Variants in GABRG3 observed in about 807,000 individuals in gnomAD.
The protein encoded by GABRG3 is gamma-aminobutyric acid receptor subunit gamma-3.
Under a neutral mutation model 48.8 loss-of-function variants are expected in GABRG3, and 25 were observed. The ratio of observed to expected loss-of-function variants is 0.51; its 90% CI spans 0.37 to 0.72. The LOEUF is 0.72. GABRG3 is among the 30% of genes least tolerant of loss of function. GABRG3 has a pLI of 0.00. For missense variants in GABRG3, 394 were observed against 577.9 expected (o/e 0.68, Z 3.26); for synonymous variants, 227 against 217.6 (o/e 1.04, Z -0.38).
chr15:27,485,955 A>G (rs565423805), intron 6 of GABRG3, among the ~76,000 whole-genome samples: 10 of 152,342 alleles, frequency 6.6e-5, no homozygotes, highest in East Asian at 1.9e-4. Flanking sequence ...AGGTTAATCC[A>G]TATCTTTGCC....
At chr15:27,069,776 A>C (rs1480235206) in intron 3 of GABRG3, among the ~76,000 whole-genome samples, 1 of 152,264 alleles carries the variant, frequency 6.6e-6, no homozygotes, top group Non-Finnish European at 1.5e-5. Flanking sequence ...TATTCAGCTC[A>C]TCTGTTTTCA....
intron 3 of GABRG3, among the ~76,000 whole-genome samples, chr15:27,102,036 A>C (rs1312719464): frequency 2.0e-5 from 3 of 152,008 alleles, no homozygotes; most frequent in African/African-American, 7.3e-5. Context: ...AATATAAAAG[A>C]TGTACCACGT....
At chr15:27,019,395 A>G (rs1474133315) in intron 2 of GABRG3, among the ~76,000 whole-genome samples, 1 of 152,042 alleles carries the variant, frequency 6.6e-6, no homozygotes, top group East Asian at 1.9e-4. Context: ...CCTCACTACC[A>G]AAATAGAAAC....
chr15:27,144,456 A>G lies in GABRG3; in HGVS notation c.270+117635A>G, dbSNP rs528433833. 1.7e-3 allele frequency among the ~76,000 whole-genome samples: 257 copies of G among 151,348 alleles called. 1 individual carries two copies. The highest frequency in any genetic ancestry group is 2.3e-3 in the Non-Finnish European group (152 of 67,250). ...AAGGGCATGTCTTTATTTGACCTAA[A>G]TCAGAGCTCTCCCAGTAGAAATAGT... On this transcript the variant is annotated intron_variant, in intron 3 of 9. Transcript: ENST00000615808.
chr15:27,218,642 C>G (rs1889346013), intron 3 of GABRG3, among the ~76,000 whole-genome samples: 1 of 152,176 alleles, frequency 6.6e-6, no homozygotes, highest in African/African-American at 2.4e-5. Flanking sequence ...CCTGTCCCTG[C>G]TGAGGCCGAG....
At position 27,252,187 on chromosome 15, in the gene GABRG3, C is replaced by CG. The variant is rs1890478423; in HGVS notation, c.271-74616dup. On this transcript the variant is annotated intron_variant, in intron 3 of 9. Coordinates refer to ENST00000615808, the MANE Select transcript of GABRG3 (RefSeq NM_033223.5). Reference sequence around the variant, plus strand: ...GGACATAAGGATGATGCCTGAGAGACGGGGGGTGGCCGTGGGCTGGCCTGG... The same window carrying CG: ...GGACATAAGGATGATGCCTGAGAGACGGGGGGGTGGCCGTGGGCTGGCCTGG... 2.0e-5 allele frequency among the ~76,000 whole-genome samples: 3 copies of CG among 152,022 alleles called. 1 individual carries two copies. In the South Asian group the frequency reaches 6.2e-4, roughly 32 times the overall value.
At chr15:27,143,525 A>G (rs1043326513) in intron 3 of GABRG3, among the ~76,000 whole-genome samples, 2 of 152,234 alleles carry the variant, frequency 1.3e-5, no homozygotes, top group Admixed American at 6.5e-5. Context: ...AGAATCTTTC[A>G]TGCTAGCAGA....
intron 5 of GABRG3, among the ~76,000 whole-genome samples, chr15:27,450,915 A>G (rs910087230): frequency 1.3e-5 from 2 of 152,220 alleles, no homozygotes; most frequent in Non-Finnish European, 2.9e-5. Context: ...TACATTAACA[A>G]TGGACTATCT....
intron 6 of GABRG3, among the ~76,000 whole-genome samples, chr15:27,487,408 T>C (rs1890247234): frequency 6.6e-6 from 1 of 152,220 alleles, no homozygotes; most frequent in South Asian, 2.1e-4. Context: ...AGGTGGGACA[T>C]GAGCCAATAC....
rs566314687 is a variant in GABRG3, at chr15:27,178,703, T to C, written c.271-148106T>C. On this transcript the variant is annotated intron_variant, in intron 3 of 9. Coordinates refer to ENST00000615808, the MANE Select transcript of GABRG3 (RefSeq NM_033223.5). ...TAGAAATATGATTAAACAAAAAGGG[T>C]GTGATCTAATGGTCATAGACTGAGT... Among the ~76,000 whole-genome samples, 14 of 152,148 alleles carry C rather than the reference T, an allele frequency of 9.2e-5. No individual in the cohort carries two copies. In the East Asian group the frequency reaches 2.5e-3, roughly 27 times the overall value.
At chr15:27,451,851 A>G (rs1005139130) in intron 5 of GABRG3, among the ~76,000 whole-genome samples, 3 of 152,170 alleles carry the variant, frequency 2.0e-5, no homozygotes, top group African/African-American at 7.2e-5. Flanking sequence ...AAAATGGGCC[A>G]AGGGACACAT....
chr15:27,360,689 G>C (rs1894992043), intron 5 of GABRG3, among the ~76,000 whole-genome samples: 1 of 152,172 alleles, frequency 6.6e-6, no homozygotes, highest in South Asian at 2.1e-4. Context: ...CTCCCCTGCA[G>C]CCTCTACATA....
rs573668098 is a variant in GABRG3 at position 27,293,381 on chromosome 15, A to G, written c.271-33428A>G. The stretch of plus-strand genomic sequence containing the variant: ...TGCTGGGGGGAATGCAGAGAGAACA[A>G]TTAGAGGTTAAGAATTGAGAGCTGG... On this transcript the variant is annotated intron_variant, in intron 3 of 9. Coordinates refer to ENST00000615808, the MANE Select transcript of GABRG3 (RefSeq NM_033223.5). Among the ~76,000 whole-genome samples the G allele has an allele frequency of 2.0e-3, 298 of 152,296 alleles. 1 individual carries two copies. Among genetic ancestry groups the G allele is most frequent in the Non-Finnish European group, 3.4e-3 (228 of 68,018 alleles).
intron 3 of GABRG3, among the ~76,000 whole-genome samples, chr15:27,238,068 G>A (rs931086075): frequency 4.6e-5 from 7 of 152,334 alleles, no homozygotes; most frequent in East Asian, 1.9e-4. Flanking sequence ...GCGTTTAGTC[G>A]TTCATACTGG....
At chr15:27,286,487 G>A (rs773579175) in intron 3 of GABRG3, among the ~76,000 whole-genome samples, 12 of 152,272 alleles carry the variant, frequency 7.9e-5, no homozygotes, top group East Asian at 1.9e-4. Flanking sequence ...AAAGGAAGTC[G>A]GTCAAATGTG....
At chr15:26,989,549 G>A (rs987033672) in intron 2 of GABRG3, among the ~76,000 whole-genome samples, 3 of 152,102 alleles carry the variant, frequency 2.0e-5, no homozygotes, top group Admixed American at 2.0e-4. Flanking sequence ...AGACATTTTG[G>A]TACAAGCATG....
chr15:27,093,411 C>T (rs1345937251), intron 3 of GABRG3, among the ~76,000 whole-genome samples: 1 of 152,106 alleles, frequency 6.6e-6, no homozygotes, highest in Non-Finnish European at 1.5e-5. Flanking sequence ...TCCACTGGTG[C>T]TCTCTGAGAG....
At chr15:27,075,063 C>A (rs1022719555) in intron 3 of GABRG3, among the ~76,000 whole-genome samples, 1 of 152,156 alleles carries the variant, frequency 6.6e-6, no homozygotes, top group African/African-American at 2.4e-5. Context: ...ACCCAATCAA[C>A]TTCAAGTAAA....
At chr15:27,037,612 A>G (rs1403736374) in intron 3 of GABRG3, among the ~76,000 whole-genome samples, 1 of 151,960 alleles carries the variant, frequency 6.6e-6, no homozygotes, top group Non-Finnish European at 1.5e-5. Flanking sequence ...TAGCTTCCCT[A>G]TCTTAGTACA....
Sources: allele counts gnomAD v4.1 joint callset (sites outside exome capture counted in the v4.1 genomes callset), GRCh38; gene constraint gnomAD v4.1.1; transcripts MANE v1.5; gene names NCBI Gene and HGNC (gene_info 2026-07-23, HGNC 2026-07-21).